DOCK9: variants seen among roughly 807,000 people sequenced by gnomAD.
The protein encoded by DOCK9 is dedicator of cytokinesis 9.
Under a neutral mutation model 263.3 loss-of-function variants are expected in DOCK9, and 89 were observed. The ratio of observed to expected loss-of-function variants is 0.34; its 90% CI spans 0.28 to 0.40. The LOEUF (loss-of-function observed/expected upper bound fraction) is 0.40. DOCK9 is among the 10% of genes least tolerant of loss of function. DOCK9 has a pLI of 1.00. For missense variants in DOCK9, 2,140 were observed against 2,603.4 expected (o/e 0.82, Z 3.87); for synonymous variants, 976 against 973.1 (o/e 1.00, Z -0.06).
Position 98,810,208 on chromosome 13 carries a change from T to C in DOCK9, c.5214A>G (p.Lys1738=). ...GCTTCTCATAAATGGGGATGATAAG[T>C]TTGTAGATGTCGGCGATGAGCTCGT... is the stretch of plus-strand genomic sequence containing the variant. ...ERYELIADIY[K]LIIPIYEKRR... The change falls in exon 46 of 53, where the codon AAA becomes AAG. Residue 1738 remains lysine (K), a synonymous_variant. Transcript: ENST00000682017. 6.2e-7 allele frequency: 1 copy of C among 1,613,930 alleles called. No homozygotes were observed. Among genetic ancestry groups the C allele is most frequent in the Non-Finnish European group, 8.5e-7 (1 of 1,179,900 alleles).
At chr13:98,804,537 C>T (rs9634512) in intron 49 of DOCK9, among the ~76,000 whole-genome samples, 59,041 of 151,896 alleles carry the variant, frequency 0.39, 12,386 homozygotes, top group East Asian at 0.62. Context: ...GGGGCAACAG[C>T]GTGGGGCGAT....
rs1567176819 is a variant in DOCK9, at chr13:98,989,349, A to ATGATG, written c.130-33799_130-33798insCATCA. ...TGATGATGATGATGATGATGATGAT[A>ATGATG]ATAATAATAATAATAATAATAATAA... is the stretch of plus-strand genomic sequence containing the variant. On this transcript the variant is annotated intron_variant, in intron 1 of 32. Coordinates refer to the DOCK9 transcript ENST00000427887. 3.6e-4 allele frequency among the ~76,000 whole-genome samples: 36 copies of ATGATG among 98,942 alleles called. No individual in the cohort carries two copies. The East Asian group carries it at 6.9e-3, about 19-fold the overall frequency. 64.9% of individuals were successfully genotyped at this position (98,942 alleles called of 152,430 possible). A position where few individuals can be genotyped will look rare whatever the true frequency, so the allele number is the denominator to read the frequency against.
At chr13:98,826,021 C>A in intron 44 of DOCK9, 1 of 1,228,608 alleles carries the variant, frequency 8.1e-7, no homozygotes. Flanking sequence ...GGAGCCCTTT[C>A]AAAATTTTTC....
rs750554413 is a variant in DOCK9, at chr13:98,800,431, G to T, written c.5773C>A (p.Gln1925Lys). ...ATGGGGTTCAGGTCAGTGTGGTGCT[G>T]GTACATGACAGGGATGCGCTTCTTC... is the stretch of plus-strand genomic sequence containing the variant. ...YVKKRIPVMY[Q>K]HHTDLNPIEV... The change falls in exon 50 of 53, where the codon CAG becomes AAG. Residue 1925 changes from glutamine to lysine, a missense_variant. By Grantham distance (53) the Gln-to-Lys change is moderately conservative (BLOSUM62 1). This residue lies in a region of DOCK9 where 619 missense variants were observed against 861.8 expected (regional missense o/e 0.72). Transcript: ENST00000682017. 2.5e-6 allele frequency: 4 copies of T among 1,613,992 alleles called. No homozygotes were observed. Among genetic ancestry groups the T allele is most frequent in the Non-Finnish European group, 2.5e-6 (3 of 1,179,878 alleles).
chr13:98,797,057 G>C, intron 52 of DOCK9, 58 bp downstream of exon 52: 1 of 1,595,108 alleles, frequency 6.3e-7, no homozygotes. Context: ...TCATGATAGG[G>C]TGTACTTGAA....
intron 49 of DOCK9, 53 bp downstream of exon 49, chr13:98,804,946 G>A: frequency 6.5e-7 from 1 of 1,537,520 alleles, no homozygotes; most frequent in Non-Finnish European, 8.8e-7. Flanking sequence ...CCTCTGGACA[G>A]CTCTTTGGCG....
intron 1 of DOCK9, among the ~76,000 whole-genome samples, chr13:99,024,243 C>T (rs1886457821): frequency 6.6e-6 from 1 of 152,210 alleles, no homozygotes. Context: ...GCGCAGGAAG[C>T]ACCCATGGCC....
intron 1 of DOCK9, among the ~76,000 whole-genome samples, chr13:98,995,265 G>T (rs369334959): frequency 1.3e-5 from 2 of 152,104 alleles, no homozygotes; most frequent in South Asian, 2.1e-4. Flanking sequence ...CATTACAGTG[G>T]TTCATCATAT....
In DOCK9 at chr13:98,818,055, T is replaced by C. The variant is rs1475127196; in HGVS notation, c.5130+6343A>G. ...TATAAATAAATGGTATTATACACTA[T>C]AAAAAGCAGAGTTAGCACAGATTTT... On this transcript the variant is annotated intron_variant, in intron 45 of 52. Coordinates refer to ENST00000682017, the MANE Select transcript of DOCK9 (RefSeq NM_001366683.2). Among the ~76,000 whole-genome samples, 10 of 152,290 alleles carry C rather than the reference T, an allele frequency of 6.6e-5. No homozygotes were observed. In the East Asian group the frequency reaches 1.4e-3, roughly 21 times the overall value.
At chr13:98,947,411 A>T (rs1174846938) in intron 2 of DOCK9, among the ~76,000 whole-genome samples, 6 of 50,684 alleles carry the variant, frequency 1.2e-4, no homozygotes, top group African/African-American at 1.9e-4. Context: ...GATGATAATT[A>T]AAAAAAAAAA....
At chr13:98,887,141 A>ATTTTTTTTTTTTTTT (rs1335567169) in intron 18 of DOCK9, among the ~76,000 whole-genome samples, 2 of 59,634 alleles carry the variant, frequency 3.4e-5, no homozygotes, top group Non-Finnish European at 3.0e-5. Flanking sequence ...ATATATATAT[A>ATTTTTTTTTTTTTTT]TATTTTTTTT....
chr13:98,829,318 C>T lies in DOCK9; in HGVS notation c.4954G>A (p.Asp1652Asn), dbSNP rs1209303879. Residue 1652 changes from aspartate (D) to asparagine (N), a missense_variant, in exon 43 of 53, where the codon GAT becomes AAT. Physicochemically the swap from Asp to Asn is conservative, Grantham distance 23. Transcript: ENST00000682017. This position sits in a 1 kb window ranked among gnomAD's most constrained non-coding sequence, Gnocchi z 4.1. ...SMARIHVKNG[D>N]LSEAAMCYVH... ...GGCAGGGCTACTACCTCTGAGAGATCGCCATTTTTGACATGGATCCTGGCC... is the reference window on the plus strand; with the variant it reads ...GGCAGGGCTACTACCTCTGAGAGATTGCCATTTTTGACATGGATCCTGGCC... 2.4e-5 allele frequency: 38 copies of T among 1,611,898 alleles called. No individual in the cohort carries two copies. The highest frequency in any genetic ancestry group is 2.7e-5 in the Non-Finnish European group (32 of 1,179,230).
At chr13:98,845,143 C>A (rs959901685) in intron 38 of DOCK9, among the ~76,000 whole-genome samples, 9 of 152,314 alleles carry the variant, frequency 5.9e-5, no homozygotes, top group African/African-American at 2.2e-4. Flanking sequence ...CTAGAAACAG[C>A]ACACAATGCC....
intron 1 of DOCK9, among the ~76,000 whole-genome samples, chr13:98,962,880 G>A (rs555585313): frequency 6.6e-6 from 1 of 152,166 alleles, no homozygotes; most frequent in Non-Finnish European, 1.5e-5. Flanking sequence ...CCACAGCTGG[G>A]GGTGGGCGAT....
chr13:98,848,484 C>T (rs1594642373), intron 37 of DOCK9, 108 bp downstream of exon 37: 16 of 1,179,938 alleles, frequency 1.4e-5, no homozygotes, highest in South Asian at 5.6e-5. Context: ...TCCCCATGGC[C>T]GCTTCCATGA....
Position 98,867,518 on chromosome 13 carries a change from A to G in DOCK9, c.3193T>C (p.Phe1065Leu). The change falls in exon 30 of 53, where the codon TTT (phenylalanine) becomes CTT (leucine). Residue 1065 changes from phenylalanine to leucine, a missense_variant. Physicochemically the swap from Phe to Leu is conservative, Grantham distance 22 (BLOSUM62 0). Coordinates refer to ENST00000682017, the MANE Select transcript of DOCK9 (RefSeq NM_001366683.2). ...TTGCACACTACACGGAGAAATTCAA[A>G]CTTGTATTCAAAGAGGGTCTGCAGG... ...GDPKTLFEYKFEFLRVVCNHE... is the reference protein window; with the variant it reads ...GDPKTLFEYKLEFLRVVCNHE... 1 of 1,608,582 alleles carries G rather than the reference A, an allele frequency of 6.2e-7. No individual in the cohort carries two copies. The highest frequency in any genetic ancestry group is 8.5e-7 in the Non-Finnish European group (1 of 1,176,744).
chr13:98,829,811 C>T lies in DOCK9; in HGVS notation c.4636-55G>A, dbSNP rs2092688805. 3 of 1,479,234 alleles carry T rather than the reference C, an allele frequency of 2.0e-6. No homozygotes were observed. The highest frequency in any genetic ancestry group is 2.8e-6 in the Non-Finnish European group (3 of 1,080,770). 91.6% of individuals were successfully genotyped at this position (1,479,234 alleles called of 1,614,324 possible). A position where few individuals can be genotyped will look rare whatever the true frequency, so the allele number is the denominator to read the frequency against. Reference sequence around the variant, plus strand: ...ATTTACCTTCAAATGACTGCCCAGGCTGGGCTTCTGCGTTCAGTTAGGATG... The same window carrying T: ...ATTTACCTTCAAATGACTGCCCAGGTTGGGCTTCTGCGTTCAGTTAGGATG... On this transcript the variant is annotated intron_variant, in intron 41 of 52. Transcript: ENST00000682017. This position sits in a 1 kb window ranked among gnomAD's most constrained non-coding sequence, Gnocchi z 4.1.
At chr13:99,079,792 C>A (rs977379904) in intron 1 of DOCK9, among the ~76,000 whole-genome samples, 3 of 152,154 alleles carry the variant, frequency 2.0e-5, no homozygotes, top group African/African-American at 7.2e-5. Flanking sequence ...GTAATCCCTG[C>A]ACTTTGGGAT....
At chr13:99,064,807 A>C (rs1028803629) in intron 1 of DOCK9, among the ~76,000 whole-genome samples, 2 of 152,208 alleles carry the variant, frequency 1.3e-5, no homozygotes, top group African/African-American at 4.8e-5. Context: ...GAGTATTTTA[A>C]AGAGGACAAG....
Sources: gnomAD v4.1 joint callset for allele counts (sites outside exome capture counted in the v4.1 genomes callset) on GRCh38, gnomAD v4.1.1 for gene constraint, gnomAD v4.1.1 regional missense constraint, Gnocchi (gnomAD v3.1) non-coding constraint, MANE v1.5 for transcripts, NCBI Gene and HGNC (gene_info 2026-07-23, HGNC 2026-07-21) for gene names.